CNTNAP5: variants seen among roughly 807,000 people sequenced by gnomAD.
CNTNAP5 encodes the protein contactin-associated protein-like 5.
In CNTNAP5, 72 loss-of-function variants were observed where a neutral mutation model predicts 150.2. The ratio of observed to expected loss-of-function variants is 0.48; its 90% CI spans 0.40 to 0.58. The LOEUF is 0.58. CNTNAP5 is among the 20% of genes least tolerant of loss of function. CNTNAP5 has a pLI of 0.00. For missense variants in CNTNAP5, 1,636 were observed against 1,626.2 expected, an observed-to-expected ratio of 1.01 and a Z score of -0.10; for synonymous variants, 672 against 619.8, an observed-to-expected ratio of 1.08 and a Z score of -1.25.
intron 1 of CNTNAP5, among the ~76,000 whole-genome samples, chr2:124,068,156 ATC>A (rs1682210967): frequency 6.6e-6 from 1 of 151,866 alleles, no homozygotes; most frequent in Non-Finnish European, 1.5e-5. Flanking sequence ...CACTACCTAT[ATC>A]TTTCTTCATA....
rs768638138 is a variant in CNTNAP5 at position 124,763,753 on chromosome 2, C to T, written c.2316C>T (p.Asn772=). 9 of 1,613,032 alleles carry T rather than the reference C, an allele frequency of 5.6e-6. No homozygotes were observed. In the East Asian group the frequency reaches 1.3e-4, roughly 24 times the overall value. ...QIVITDTDRS[N]SEAAWRIGPL... ...TTATCACTGATACCGACAGATCAAA[C>T]TCAGAAGCCGCTTGGAGAATTGGTC... The change falls in exon 15 of 24, where the codon AAC becomes AAT. Residue 772 remains asparagine, a synonymous_variant. Coordinates refer to ENST00000682447, the MANE Select transcript of CNTNAP5 (RefSeq NM_001367498.1).
chr2:124,513,884 T>A (rs1318968261), intron 8 of CNTNAP5, among the ~76,000 whole-genome samples: 1 of 152,146 alleles, frequency 6.6e-6, no homozygotes, highest in Non-Finnish European at 1.5e-5. Context: ...ACAGAGCTGA[T>A]CCCCAAATAT....
At chr2:124,126,295 C>G (rs1392174923) in intron 1 of CNTNAP5, among the ~76,000 whole-genome samples, 4 of 152,180 alleles carry the variant, frequency 2.6e-5, no homozygotes, top group Non-Finnish European at 5.9e-5. Flanking sequence ...TGCAAATAAA[C>G]TAGAAAATCT....
chr2:124,550,314 A>T (rs1160537211), intron 10 of CNTNAP5, among the ~76,000 whole-genome samples: 2 of 152,154 alleles, frequency 1.3e-5, no homozygotes, highest in African/African-American at 4.8e-5. Context: ...GAACTTTGCT[A>T]TTCAGTGAGG....
chr2:124,427,613 C>T (rs370013397), intron 4 of CNTNAP5, among the ~76,000 whole-genome samples: 12 of 151,852 alleles, frequency 7.9e-5, no homozygotes, highest in African/African-American at 2.2e-4. Context: ...CCCACAAGGA[C>T]GCCCGGCTAA....
At chr2:124,506,770 T>C (rs1024956017) in intron 8 of CNTNAP5, among the ~76,000 whole-genome samples, 1 of 152,166 alleles carries the variant, frequency 6.6e-6, no homozygotes, top group African/African-American at 2.4e-5. Context: ...TTTCTGTGGA[T>C]CAGAAATCCA....
chr2:124,797,995 A>G, intron 18 of CNTNAP5, 101 bp from the exon 19 acceptor site: 1 of 762,594 alleles, frequency 1.3e-6, no homozygotes. Context: ...ATTACTCCTC[A>G]CACAGTGCCC....
chr2:124,083,090 C>T (rs1322156703), intron 1 of CNTNAP5, among the ~76,000 whole-genome samples: 1 of 152,190 alleles, frequency 6.6e-6, no homozygotes, highest in Admixed American at 6.5e-5. Context: ...GTGGCTCATG[C>T]CTGCAATCCC....
chr2:124,621,892 A>C (rs1264676846), intron 12 of CNTNAP5, among the ~76,000 whole-genome samples: 1 of 152,200 alleles, frequency 6.6e-6, no homozygotes, highest in Admixed American at 6.5e-5. Context: ...TTGTATCTGT[A>C]ATACAATTTG....
chr2:124,509,181 G>T (rs1041687817), intron 8 of CNTNAP5, among the ~76,000 whole-genome samples: 13 of 152,114 alleles, frequency 8.5e-5, no homozygotes, highest in Admixed American at 7.9e-4. Context: ...AGTGTGCTTG[G>T]CTTTTTAGGA....
intron 4 of CNTNAP5, among the ~76,000 whole-genome samples, chr2:124,421,329 C>T (rs573464560): frequency 1.3e-5 from 2 of 152,262 alleles, no homozygotes; most frequent in South Asian, 4.2e-4. Flanking sequence ...CCCTCAGCAA[C>T]CTGCTCTTCT....
intron 4 of CNTNAP5, among the ~76,000 whole-genome samples, chr2:124,425,013 C>A (rs556629696): frequency 6.6e-6 from 1 of 152,136 alleles, no homozygotes; most frequent in Non-Finnish European, 1.5e-5. Context: ...TTAAAGGAAA[C>A]CTGAAAAGGG....
At chr2:124,273,394 G>A (rs561123771) in intron 3 of CNTNAP5, among the ~76,000 whole-genome samples, 10 of 152,260 alleles carry the variant, frequency 6.6e-5, no homozygotes, top group African/African-American at 2.4e-4. Flanking sequence ...TGGACATCCA[G>A]GTTCCCCTTA....
At chr2:124,886,483 T>C (rs1469787464) in intron 21 of CNTNAP5, among the ~76,000 whole-genome samples, 1 of 152,056 alleles carries the variant, frequency 6.6e-6, no homozygotes, top group African/African-American at 2.4e-5. Context: ...TTGTGATGCA[T>C]GAAAATGTTA....
chr2:124,137,257 A>T (rs1683995287), intron 1 of CNTNAP5, among the ~76,000 whole-genome samples: 1 of 152,114 alleles, frequency 6.6e-6, no homozygotes, highest in African/African-American at 2.4e-5. Flanking sequence ...TGAAAAAAAA[A>T]TAAAGCTGCC....
chr2:124,510,752 A>C (rs1022258538), intron 8 of CNTNAP5, among the ~76,000 whole-genome samples: 1 of 151,972 alleles, frequency 6.6e-6, no homozygotes, highest in African/African-American at 2.4e-5. Flanking sequence ...GTGCCCCATG[A>C]AACAAGATTA....
intron 2 of CNTNAP5, among the ~76,000 whole-genome samples, chr2:124,224,078 G>A (rs1686397706): frequency 6.6e-6 from 1 of 151,956 alleles, no homozygotes; most frequent in Non-Finnish European, 1.5e-5. Context: ...AGCATTGCCT[G>A]AGCCCATTTT....
intron 3 of CNTNAP5, 25 bp downstream of exon 3, chr2:124,242,418 G>T: frequency 6.3e-7 from 1 of 1,593,840 alleles, no homozygotes; most frequent in South Asian, 1.1e-5. Context: ...TCCTTCCAAT[G>T]AATAAAACTG....
intron 1 of CNTNAP5, among the ~76,000 whole-genome samples, chr2:124,147,599 T>C (rs1684285508): frequency 6.6e-6 from 1 of 152,254 alleles, no homozygotes; most frequent in African/African-American, 2.4e-5. Flanking sequence ...TATTTATTGC[T>C]GTTAGCATTT....
Sources: gnomAD v4.1 joint callset for allele counts (sites outside exome capture counted in the v4.1 genomes callset) on GRCh38, gnomAD v4.1.1 for gene constraint, MANE v1.5 for transcripts, NCBI Gene and HGNC (gene_info 2026-07-23, HGNC 2026-07-21) for gene names.